Variants in APOL4 observed in about 807,000 individuals in gnomAD.
APOL4 encodes the protein apolipoprotein L4, also known as apolipoprotein L, 4.
In APOL4, 14 loss-of-function variants were observed where a neutral mutation model predicts 12.1. That is an observed-to-expected ratio of 1.16 (90% CI 0.76 to 1.81). The LOEUF (loss-of-function observed/expected upper bound fraction) is 1.81, where lower values mean the gene tolerates loss of function less well. Ranked by LOEUF, APOL4 falls within the 40% of genes most tolerant of loss-of-function variation. The pLI is 0.00. For missense variants in APOL4, 432 were observed against 423.1 expected, an observed-to-expected ratio of 1.02 and a Z score of -0.18; for synonymous variants, 171 against 160.6, an observed-to-expected ratio of 1.06 and a Z score of -0.49.
At chr22:36,204,304 A>G (rs536118609), upstream of APOL4, among the ~76,000 whole-genome samples, 1 of 152,178 alleles carries the variant, frequency 6.6e-6, no homozygotes, top group South Asian at 2.1e-4. Flanking sequence ...TCCCAAAGAG[A>G]TGGGCACCCC....
chr22:36,200,664 G>A (rs149532972), intron 1 of APOL4, among the ~76,000 whole-genome samples: 233 of 152,318 alleles, frequency 1.5e-3, no homozygotes, highest in Non-Finnish European at 2.5e-3. Flanking sequence ...ATTTGTAGGA[G>A]TAGAATGACT....
chr22:36,198,580 G>A lies in APOL4; in HGVS notation c.82+750C>T, dbSNP rs566720102. On this transcript the variant is annotated intron_variant, in intron 2 of 3. Coordinates refer to ENST00000683024, the MANE Select transcript of APOL4 (RefSeq NM_001386885.1). ...CAGGGTGGGTGCCCTAACACAGCTC[G>A]GGAAGGGGGTGGCTTCCACTTACAA... Among the ~76,000 whole-genome samples the A allele has an allele frequency of 1.1e-4, 16 of 152,278 alleles. No homozygotes were observed. In the East Asian group the frequency reaches 1.4e-3, roughly 13 times the overall value.
At chr22:36,192,109 G>A (rs573249442) in intron 3 of APOL4, among the ~76,000 whole-genome samples, 197 bp from the exon 4 acceptor site, 240 of 152,346 alleles carry the variant, frequency 1.6e-3, no homozygotes, top group African/African-American at 5.7e-3. Context: ...GGGAGGCCGA[G>A]ATGGGTGGAT....
rs1603477166 is a variant in APOL4, at chr22:36,190,293, C to T, written c.*782G>A. The T allele has an allele frequency of 6.6e-6, 1 of 152,336 alleles. No homozygotes were observed. Among genetic ancestry groups the T allele is most frequent in the East Asian group, 1.9e-4 (1 of 5,192 alleles). The allele number at this position is 152,336 out of a possible 1,614,324, so 9.4% of individuals were successfully genotyped here. A position where few individuals can be genotyped will look rare whatever the true frequency, so the allele number is the denominator to read the frequency against. ...AAGGCAAGTGGAGGCAGGGCGAGAT[C>T]ACAGGAACACAGGACCGGGGAGAAA... On this transcript the variant is annotated 3_prime_UTR_variant, in exon 4 of 4. Coordinates refer to ENST00000683024, the MANE Select transcript of APOL4 (RefSeq NM_001386885.1).
At chr22:36,194,013 T>G (rs1417986133) in intron 3 of APOL4, among the ~76,000 whole-genome samples, 1 of 152,226 alleles carries the variant, frequency 6.6e-6, no homozygotes, top group Non-Finnish European at 1.5e-5. Flanking sequence ...TGAGGACTCA[T>G]GAGGACTTTG....
At chr22:36,197,477 A>C in intron 2 of APOL4, 2 of 1,021,850 alleles carry the variant, frequency 2.0e-6, no homozygotes, top group Non-Finnish European at 2.6e-6. Context: ...TTTGTGTTTT[A>C]TTGATGGGGT....
chr22:36,199,560 T>A, intron 1 of APOL4, 184 bp from the exon 2 acceptor site: 1 of 1,569,962 alleles, frequency 6.4e-7, no homozygotes, highest in Non-Finnish European at 8.6e-7. Flanking sequence ...CTCAACTCAT[T>A]CCAGCTCCCT....
intron 2 of APOL4, among the ~76,000 whole-genome samples, chr22:36,195,772 TCTCTCACACACACACACACA>T (rs1360527057): frequency 4.3e-5 from 6 of 140,114 alleles, no homozygotes; most frequent in African/African-American, 1.1e-4. Flanking sequence ...TCTCTCTCTC[TCTCTCACACACACACACACA>T]CACACACACA....
chr22:36,203,611 A>G (rs935980347), upstream of APOL4, among the ~76,000 whole-genome samples: 1 of 152,238 alleles, frequency 6.6e-6, no homozygotes, highest in African/African-American at 2.4e-5. Context: ...ATCCATGGAA[A>G]CAGGACGTGA....
At chr22:36,197,630 A>G in intron 2 of APOL4, 1 of 1,542,548 alleles carries the variant, frequency 6.5e-7, no homozygotes, top group Non-Finnish European at 8.8e-7. Context: ...GTCATATCAG[A>G]TGGGCGCTTC....
intron 2 of APOL4, among the ~76,000 whole-genome samples, chr22:36,198,727 T>A (rs1569531418): frequency 6.6e-6 from 1 of 152,118 alleles, no homozygotes; most frequent in South Asian, 2.1e-4. Flanking sequence ...TGGGCAAATA[T>A]CCTAGTGGTG....
intron 1 of APOL4, chr22:36,201,464 G>C: frequency 2.2e-6 from 2 of 896,058 alleles, no homozygotes; most frequent in Non-Finnish European, 3.1e-6. Flanking sequence ...GGTAAAAGGG[G>C]GACCCAGTCC....
chr22:36,202,938 T>G (rs965412157), upstream of APOL4, among the ~76,000 whole-genome samples: 2 of 152,152 alleles, frequency 1.3e-5, no homozygotes, highest in Non-Finnish European at 2.9e-5. Flanking sequence ...ACTCTGCTAT[T>G]GAAGAAAAAC....
chr22:36,196,324 C>T (rs2007706), intron 2 of APOL4, among the ~76,000 whole-genome samples: 95,878 of 152,062 alleles, frequency 0.63, 32,181 homozygotes, highest in African/African-American at 0.87. Flanking sequence ...TTGAAATATA[C>T]CTATAGACCC....
At chr22:36,196,673 T>C (rs1005488688) in intron 2 of APOL4, among the ~76,000 whole-genome samples, 2 of 152,122 alleles carry the variant, frequency 1.3e-5, no homozygotes, top group African/African-American at 4.8e-5. Context: ...TGGGACATGA[T>C]GTATAATTGT....
chr22:36,194,095 C>T (rs2014335868), intron 3 of APOL4, among the ~76,000 whole-genome samples: 1 of 152,160 alleles, frequency 6.6e-6, no homozygotes, highest in African/African-American at 2.4e-5. Context: ...AAGTGTTTTT[C>T]TCTTTGGTTG....
chr22:36,199,105 C>A (rs940892879), intron 2 of APOL4, among the ~76,000 whole-genome samples: 1 of 152,234 alleles, frequency 6.6e-6, no homozygotes, highest in Non-Finnish European at 1.5e-5. Context: ...TGGGCCATGA[C>A]CCGCTGAGGA....
intron 1 of APOL4, 198 bp from the exon 2 acceptor site, chr22:36,199,574 C>A (rs1222255341): frequency 1.2e-5 from 18 of 1,563,226 alleles, no homozygotes; most frequent in African/African-American, 2.7e-5. Context: ...GCTCCCTCTT[C>A]CCTCACTCTC....
upstream of APOL4, among the ~76,000 whole-genome samples, chr22:36,202,449 C>T (rs568765331): frequency 4.6e-5 from 7 of 152,252 alleles, no homozygotes; most frequent in East Asian, 3.9e-4. Flanking sequence ...AAAATCAGGC[C>T]GGGAGCGGTG....
Sources: gnomAD v4.1 joint callset for allele counts (sites outside exome capture counted in the v4.1 genomes callset) on GRCh38, gnomAD v4.1.1 for gene constraint, MANE v1.5 for transcripts, NCBI Gene and HGNC (gene_info 2026-07-23, HGNC 2026-07-21) for gene names.